Variants in SNTG1 observed in about 807,000 individuals in gnomAD.
SNTG1 encodes syntrophin gamma 1, also known as gamma-1-syntrophin.
SNTG1 carries 39 observed loss-of-function variants against 74.7 expected under a neutral mutation model. That is an observed-to-expected ratio of 0.52 (90% confidence interval 0.40 to 0.68). The LOEUF (loss-of-function observed/expected upper bound fraction) is 0.68, where lower values mean the gene tolerates loss of function less well. SNTG1 is among the 30% of genes least tolerant of loss of function. The pLI, the probability that SNTG1 is intolerant of heterozygous loss-of-function variation, is 0.00. For synonymous variants in SNTG1, 254 were observed against 217.1 expected, an observed-to-expected ratio of 1.17 and a Z score of -1.49; for missense variants, 685 against 609.5, an observed-to-expected ratio of 1.12 and a Z score of -1.30.
intron 18 of SNTG1, among the ~76,000 whole-genome samples, chr8:50,786,568 AG>A (rs201694641): frequency 1.3e-5 from 2 of 150,516 alleles, no homozygotes; most frequent in African/African-American, 5.0e-5. Flanking sequence ...TAAGTTGGAG[AG>A]AACCCCCAGT....
chr8:50,281,833 G>A (rs563914026), intron 2 of SNTG1, among the ~76,000 whole-genome samples: 2 of 152,238 alleles, frequency 1.3e-5, no homozygotes, highest in East Asian at 1.9e-4. Flanking sequence ...GCAATTGAAC[G>A]TATAGGATCT....
intron 2 of SNTG1, among the ~76,000 whole-genome samples, chr8:50,283,022 A>T (rs1324812971): frequency 6.6e-6 from 1 of 152,210 alleles, no homozygotes; most frequent in African/African-American, 2.4e-5. Flanking sequence ...TGCTTCAACA[A>T]TCGTTTTTAC....
chr8:50,470,249 C>T (rs2093641106), intron 8 of SNTG1, among the ~76,000 whole-genome samples: 1 of 152,278 alleles, frequency 6.6e-6, no homozygotes, highest in Non-Finnish European at 1.5e-5. Flanking sequence ...AACTTTAATC[C>T]TAAGAAATAA....
chr8:50,291,546 C>A (rs2089110301), intron 2 of SNTG1, among the ~76,000 whole-genome samples: 1 of 152,080 alleles, frequency 6.6e-6, no homozygotes, highest in African/African-American at 2.4e-5. Flanking sequence ...GAAATGACCT[C>A]AGGAAAGTTG....
chr8:50,570,944 C>T (rs2094546004), intron 12 of SNTG1, among the ~76,000 whole-genome samples: 1 of 151,968 alleles, frequency 6.6e-6, no homozygotes, highest in South Asian at 2.1e-4. Flanking sequence ...CACAGTTTTC[C>T]ATAGTAGTTG....
rs185000262 is a variant in SNTG1, at chr8:50,725,095, G to T, written c.1284+16117G>T. ...GTATATTTCATTTATATGGAGAATC[G>T]TTGGATCAAAATAAAAAGTTATGCA... On this transcript the variant is annotated intron_variant, in intron 17 of 18. Transcript: ENST00000642720. 2.0e-4 allele frequency among the ~76,000 whole-genome samples: 30 copies of T among 152,158 alleles called. No individual in the cohort carries two copies. The South Asian group carries it at 5.6e-3, about 28-fold the overall frequency.
chr8:50,444,499 C>A (rs897902083), intron 5 of SNTG1, among the ~76,000 whole-genome samples: 1 of 152,130 alleles, frequency 6.6e-6, no homozygotes, highest in African/African-American at 2.4e-5. Flanking sequence ...CACTTGTAAT[C>A]CCAACATTTT....
intron 17 of SNTG1, among the ~76,000 whole-genome samples, chr8:50,750,115 G>A (rs1342011201): frequency 6.6e-6 from 1 of 151,986 alleles, no homozygotes; most frequent in Non-Finnish European, 1.5e-5. Context: ...AATATAAATA[G>A]GGATTTGGAA....
intron 1 of SNTG1, among the ~76,000 whole-genome samples, chr8:50,050,273 T>C (rs939275728): frequency 7.2e-5 from 11 of 151,866 alleles, no homozygotes; most frequent in African/African-American, 2.7e-4. Context: ...AGGCCATCAT[T>C]ATTGATCTCA....
chr8:50,528,326 T>C (rs1236147888), intron 9 of SNTG1, among the ~76,000 whole-genome samples: 3 of 151,996 alleles, frequency 2.0e-5, no homozygotes, highest in Non-Finnish European at 4.4e-5. Flanking sequence ...CCTAGAACGC[T>C]AAAGTTTTTA....
chr8:50,518,338 C>T (rs1373450983), intron 9 of SNTG1, among the ~76,000 whole-genome samples: 2 of 152,078 alleles, frequency 1.3e-5, no homozygotes, highest in African/African-American at 4.8e-5. Context: ...GCACTAATTG[C>T]CCACAAGAGA....
chr8:50,106,632 C>A (rs2080382444), intron 1 of SNTG1, among the ~76,000 whole-genome samples: 1 of 152,096 alleles, frequency 6.6e-6, no homozygotes, highest in South Asian at 2.1e-4. Flanking sequence ...ATGTTGAATT[C>A]TATCAAAAGT....
At chr8:50,345,134 T>C (rs2091434405) in intron 2 of SNTG1, among the ~76,000 whole-genome samples, 1 of 152,276 alleles carries the variant, frequency 6.6e-6, no homozygotes, top group South Asian at 2.1e-4. Context: ...GTGTTACTTT[T>C]CTAATGACAG....
chr8:50,266,808 C>T (rs577592473), intron 2 of SNTG1, among the ~76,000 whole-genome samples: 25 of 151,724 alleles, frequency 1.6e-4, no homozygotes, highest in Admixed American at 1.1e-3. Flanking sequence ...TCTTGCCCCC[C>T]GGTTTTGAGC....
At chr8:50,753,748 G>T (rs1387400274) in intron 18 of SNTG1, among the ~76,000 whole-genome samples, 1 of 151,642 alleles carries the variant, frequency 6.6e-6, no homozygotes, top group Admixed American at 6.6e-5. Flanking sequence ...ATAGATATTT[G>T]GTTGAGTGTA....
chr8:50,594,493 T>C (rs1451873959), intron 13 of SNTG1, among the ~76,000 whole-genome samples: 3 of 152,088 alleles, frequency 2.0e-5, no homozygotes, highest in African/African-American at 7.2e-5. Context: ...GTTATACTTA[T>C]TTAAAATAAC....
chr8:50,248,198 G>A (rs965316287), intron 2 of SNTG1, among the ~76,000 whole-genome samples: 3 of 152,084 alleles, frequency 2.0e-5, no homozygotes, highest in Non-Finnish European at 4.4e-5. Context: ...GAGGAGTTAG[G>A]ACTTCAACAT....
intron 15 of SNTG1, 106 bp downstream of exon 15, chr8:50,658,769 G>A (rs2095199802): frequency 1.4e-6 from 1 of 700,226 alleles, no homozygotes; most frequent in Non-Finnish European, 2.4e-6. Flanking sequence ...AATGAAAGAA[G>A]AGACACGATA....
chr8:50,125,183 G>C lies in SNTG1; in HGVS notation c.-102-47378G>C, dbSNP rs1586379521. Among the ~76,000 whole-genome samples the C allele has an allele frequency of 1.4e-5, 2 of 142,072 alleles. 1 individual carries two copies. The highest frequency in any genetic ancestry group is 5.2e-4 in the South Asian group (2 of 3,818). The allele number at this position is 142,072 out of a possible 152,430, so 93.2% of individuals were successfully genotyped here. A position where few individuals can be genotyped will look rare whatever the true frequency, so the allele number is the denominator to read the frequency against. On this transcript the variant is annotated intron_variant, in intron 1 of 18. Coordinates refer to ENST00000642720, the MANE Select transcript of SNTG1 (RefSeq NM_018967.5). The stretch of plus-strand genomic sequence containing the variant: ...GGTAGCAGGTGGACTAGGAAAGTGA[G>C]CATATGCATTTTTAACATCAGGAAC...
Sources: gnomAD v4.1 joint callset for allele counts (sites outside exome capture counted in the v4.1 genomes callset) on GRCh38, gnomAD v4.1.1 for gene constraint, MANE v1.5 for transcripts, NCBI Gene and HGNC (gene_info 2026-07-23, HGNC 2026-07-21) for gene names.